The following CILP2 variants were observed in gnomAD, a reference collection of about 807,000 sequenced individuals.
The protein encoded by CILP2 is CILP-2.
Under a neutral mutation model 45.6 loss-of-function variants are expected in CILP2, and 38 were observed. That is an observed-to-expected ratio of 0.83 (90% CI 0.64 to 1.09). CILP2 has a LOEUF of 1.09. CILP2 is among the 50% of genes least tolerant of loss of function. The pLI, the probability that CILP2 is intolerant of heterozygous loss-of-function variation, is 0.00. For missense variants in CILP2, 1,735 were observed against 1,662.2 expected (o/e 1.04, Z -0.76); for synonymous variants, 780 against 723.5 (o/e 1.08, Z -1.25).
At position 19,544,990 on chromosome 19, in the gene CILP2, C is replaced by A. The variant is rs200778798; in HGVS notation, c.2445C>A (p.Gly815=). ...YTALVTATLG[G]EELEPAPSLP... ...CCCTGGTCACCGCCACCCTGGGCGG[C>A]GAGGAGCTGGAGCCGGCCCCTTCCT... The change falls in exon 8 of 8, where the codon GGC becomes GGA. Residue 815 remains glycine, a synonymous_variant. Coordinates refer to ENST00000291495, the MANE Select transcript of CILP2 (RefSeq NM_153221.2). 369 of 1,598,422 alleles carry A rather than the reference C, an allele frequency of 2.3e-4. 3 individuals carry two copies. The African/African-American group carries it at 4.6e-3, about 20-fold the overall frequency.
chr19:19,541,521 A>G (rs1397842893), intron 4 of CILP2, among the ~76,000 whole-genome samples: 1 of 152,192 alleles, frequency 6.6e-6, no homozygotes, highest in Non-Finnish European at 1.5e-5. Context: ...CCTGGGCCCA[A>G]GGAGCACTGG....
At chr19:19,539,203 T>C (rs944826062) in intron 1 of CILP2, among the ~76,000 whole-genome samples, 1 of 151,848 alleles carries the variant, frequency 6.6e-6, no homozygotes, top group Non-Finnish European at 1.5e-5. Flanking sequence ...GAGGAGAGTG[T>C]ATGGCAGCCC....
rs552547008 is a variant in CILP2, at chr19:19,543,150, G to A, written c.978-98G>A. The A allele has an allele frequency of 8.9e-6, 12 of 1,351,558 alleles. No homozygotes were observed. In the South Asian group the frequency reaches 1.4e-4, roughly 16 times the overall value. 83.7% of individuals were successfully genotyped at this position (1,351,558 alleles called of 1,614,324 possible). Reference sequence around the variant, plus strand: ...GGCCAGTCTTGCTGGGGAGGAGGCTGACTTTGGCAAAGCCTCTCTGCAGCT... The same window carrying A: ...GGCCAGTCTTGCTGGGGAGGAGGCTAACTTTGGCAAAGCCTCTCTGCAGCT... On this transcript the variant is annotated intron_variant, in intron 6 of 7. Coordinates refer to ENST00000291495, the MANE Select transcript of CILP2 (RefSeq NM_153221.2).
chr19:19,540,978 T>G, intron 3 of CILP2, 113 bp from the exon 4 acceptor site: 1 of 985,428 alleles, frequency 1.0e-6, no homozygotes, highest in Non-Finnish European at 1.3e-6. Flanking sequence ...TGTCCGCCCT[T>G]GGATGCACAT....
At position 19,544,816 on chromosome 19, in the gene CILP2, CGTG is replaced by C. The variant is rs1285859277; in HGVS notation, c.2277_2279del (p.Val760del). 26 of 1,603,778 alleles carry C rather than the reference CGTG, an allele frequency of 1.6e-5. No individual in the cohort carries two copies. The highest frequency in any genetic ancestry group is 2.2e-5 in the Non-Finnish European group (26 of 1,179,546). Reference sequence around the variant, plus strand: ...TCACCCCCAGCGAGCAGGTGGAGGGCGTGGTGGTCACGCTGGTCAATCTGGAGC... The same window carrying C: ...TCACCCCCAGCGAGCAGGTGGAGGGCGTGGTCACGCTGGTCAATCTGGAGC... On this transcript the variant is annotated inframe_deletion, in exon 8 of 8. Coordinates refer to ENST00000291495, the MANE Select transcript of CILP2 (RefSeq NM_153221.2).
rs775385887 is a variant in CILP2, at chr19:19,545,666, G to A, written c.3121G>A (p.Glu1041Lys). Residue 1041 changes from glutamate (E) to lysine (K), a missense_variant, in exon 8 of 8, where the codon GAG (glutamate) becomes AAG (lysine). Coordinates refer to ENST00000291495, the MANE Select transcript of CILP2 (RefSeq NM_153221.2). ...CCGGCACCCCCCACCGGTGCCCGCG[G>A]AGGACCCAGCTGCCTTCTCCATGCT... Reference protein sequence around the residue: ...LTRHPPPVPAEDPAAFSMLAP... With the variant: ...LTRHPPPVPAKDPAAFSMLAP... The A allele has an allele frequency of 9.3e-6, 15 of 1,610,516 alleles. 1 individual carries two copies.
Position 19,542,460 on chromosome 19 carries a change from C to T in CILP2, c.678C>T (p.Ala226=). The T allele has an allele frequency of 1.2e-6, 2 of 1,613,142 alleles. No individual in the cohort carries two copies. The highest frequency in any genetic ancestry group is 8.5e-7 in the Non-Finnish European group (1 of 1,180,012). ...CATCTGGGCAACCACTGCTAGGAGC[C>T]AGGGTCTCCCTGCGAGACCAGCCTG... ...VTPSGQPLLG[A]RVSLRDQPGT... Residue 226 remains alanine, a synonymous_variant, in exon 5 of 8, where the codon GCC becomes GCT. Transcript: ENST00000291495.
chr19:19,541,184 C>A lies in CILP2; in HGVS notation c.530C>A (p.Ala177Asp). 1 of 1,269,956 alleles carries A rather than the reference C, an allele frequency of 7.9e-7. No individual in the cohort carries two copies. The highest frequency in any genetic ancestry group is 9.9e-7 in the Non-Finnish European group (1 of 1,006,696). 78.7% of individuals were successfully genotyped at this position (1,269,956 alleles called of 1,614,324 possible). A position where few individuals can be genotyped will look rare whatever the true frequency, so the allele number is the denominator to read the frequency against. ...CGCCGCCGCCACTGCCCAAGCCCCG[C>A]TGGGGATGCGTGTCCCGGGCGTCCT... The part of the protein sequence containing the change: ...RLRRRHCPSP[A>D]GDACPGRPLE... Residue 177 changes from alanine (A) to aspartate (D), a missense_variant, in exon 4 of 8, where the codon GCT becomes GAT. By Grantham distance (126) the Ala-to-Asp change is moderately radical. Coordinates refer to ENST00000291495, the MANE Select transcript of CILP2 (RefSeq NM_153221.2).
chr19:19,544,190 C>T lies in CILP2; in HGVS notation c.1645C>T (p.His549Tyr), dbSNP rs370357982. ...TGATCCTCGAGGTGCCGGCGTGTAC[C>T]ACGAGGTCAAGGCCATGCGGAAGAA... Reference protein sequence around the residue: ...PFDPRGAGVYHEVKAMRKKAP... With the variant: ...PFDPRGAGVYYEVKAMRKKAP... The change falls in exon 8 of 8, where the codon CAC becomes TAC. Residue 549 changes from histidine (H) to tyrosine (Y), a missense_variant. Coordinates refer to ENST00000291495, the MANE Select transcript of CILP2 (RefSeq NM_153221.2). The T allele has an allele frequency of 9.9e-5, 159 of 1,613,768 alleles. 3 individuals are homozygous for T. The Middle Eastern group carries it at 2.1e-3, about 22-fold the overall frequency.
chr19:19,541,802 G>A (rs2061245466), intron 4 of CILP2, among the ~76,000 whole-genome samples: 1 of 152,218 alleles, frequency 6.6e-6, no homozygotes, highest in African/African-American at 2.4e-5. Flanking sequence ...AAGCCAGGAG[G>A]AGACTGGAAA....
At chr19:19,541,371 C>A in intron 4 of CILP2, 125 bp downstream of exon 4, 1 of 887,004 alleles carries the variant, frequency 1.1e-6, no homozygotes, top group South Asian at 5.5e-5. Context: ...CAGTGCTTCT[C>A]CTGAGCGATG....
At chr19:19,539,802 C>T in intron 2 of CILP2, 25 bp downstream of exon 2, 1 of 1,538,680 alleles carries the variant, frequency 6.5e-7, no homozygotes, top group Non-Finnish European at 8.8e-7. Context: ...CTCGGAGTCC[C>T]GTCTCTGCTG....
At chr19:19,541,007 A>G in intron 3 of CILP2, 84 bp from the exon 4 acceptor site, 4 of 1,180,248 alleles carry the variant, frequency 3.4e-6, no homozygotes, top group Non-Finnish European at 4.3e-6. Flanking sequence ...GGGTTGGGGA[A>G]GAAGGGTCCT....
chr19:19,543,804 G>A lies in CILP2; in HGVS notation c.1259G>A (p.Cys420Tyr). The change falls in exon 8 of 8, where the codon TGC becomes TAC. Residue 420 changes from cysteine (C) to tyrosine (Y), a missense_variant. Coordinates refer to ENST00000291495, the MANE Select transcript of CILP2 (RefSeq NM_153221.2). Reference sequence around the variant, plus strand: ...GTGGGCCTCTGTCCCGACACCCGCTGCCCCAGCCTGGCAGGCTCCAGCCCC... The same window carrying A: ...GTGGGCCTCTGTCCCGACACCCGCTACCCCAGCCTGGCAGGCTCCAGCCCC... ...LDVGLCPDTR[C>Y]PSLAGSSPRC... The A allele has an allele frequency of 6.2e-7, 1 of 1,613,848 alleles. No homozygotes were observed. The highest frequency in any genetic ancestry group is 8.5e-7 in the Non-Finnish European group (1 of 1,179,924).
In CILP2 at chr19:19,544,443, A is replaced by G; in HGVS notation, c.1898A>G (p.Glu633Gly). The G allele has an allele frequency of 6.2e-7, 1 of 1,609,134 alleles. No individual in the cohort carries two copies. The highest frequency in any genetic ancestry group is 1.6e-4 in the Middle Eastern group (1 of 6,062). The change falls in exon 8 of 8, where the codon GAG becomes GGG. Residue 633 changes from glutamate to glycine, a missense_variant. Coordinates refer to ENST00000291495, the MANE Select transcript of CILP2 (RefSeq NM_153221.2). Reference protein sequence around the residue: ...SDLRFVDSDGELAPLRTYGMF... With the variant: ...SDLRFVDSDGGLAPLRTYGMF... ...CTGCGCTTCGTGGACAGCGACGGCGAGCTGGCTCCACTGCGCACCTACGGC... is the reference window on the plus strand; with the variant it reads ...CTGCGCTTCGTGGACAGCGACGGCGGGCTGGCTCCACTGCGCACCTACGGC...
At chr19:19,540,047 C>T in intron 2 of CILP2, 157 bp from the exon 3 acceptor site, 2 of 1,058,734 alleles carry the variant, frequency 1.9e-6, no homozygotes, top group Non-Finnish European at 2.6e-6. Context: ...CCCAGTCTGC[C>T]CTGCACCTGT....
At chr19:19,543,659 T>A in intron 7 of CILP2, 22 bp from the exon 8 acceptor site, 1 of 1,573,694 alleles carries the variant, frequency 6.4e-7, no homozygotes, top group Non-Finnish European at 8.6e-7. Context: ...TGCCCTGACC[T>A]GCATGTTTTC....
rs1360337342 is a variant in CILP2, at chr19:19,543,695, G to T, written c.1150G>T (p.Ala384Ser). The T allele has an allele frequency of 2.5e-6, 4 of 1,594,062 alleles. No individual in the cohort carries two copies. The highest frequency in any genetic ancestry group is 2.6e-6 in the Non-Finnish European group (3 of 1,167,778). ...TTTGTCCCCAGCCCCAGGCCAGCCA[G>T]CCTGCGACCCCCGGCCCCGAGAGTA... is the stretch of plus-strand genomic sequence containing the variant. Reference protein sequence around the residue: ...RLTVLAPGQPACDPRPREYLI... With the variant: ...RLTVLAPGQPSCDPRPREYLI... Residue 384 changes from alanine to serine, a missense_variant, in exon 8 of 8, where the codon GCC becomes TCC. Transcript: ENST00000291495.
At position 19,543,294 on chromosome 19, in the gene CILP2, G is replaced by C. The variant is rs1302024384; in HGVS notation, c.1024G>C (p.Ala342Pro). The part of the protein sequence containing the change: ...LLDRRAHGYG[A>P]HLELRGLRPD... ...GGACAGGCGAGCTCATGGGTACGGGGCCCACCTGGAGCTGCGGGGACTGCG... is the reference window on the plus strand; with the variant it reads ...GGACAGGCGAGCTCATGGGTACGGGCCCCACCTGGAGCTGCGGGGACTGCG... The change falls in exon 7 of 8, where the codon GCC (alanine) becomes CCC (proline). Residue 342 changes from alanine (A) to proline (P), a missense_variant. By Grantham distance (27) the Ala-to-Pro change is conservative. Coordinates refer to ENST00000291495, the MANE Select transcript of CILP2 (RefSeq NM_153221.2). 1 of 1,613,748 alleles carries C rather than the reference G, an allele frequency of 6.2e-7. No homozygotes were observed.
Sources: allele counts gnomAD v4.1 joint callset (sites outside exome capture counted in the v4.1 genomes callset), GRCh38; gene constraint gnomAD v4.1.1; transcripts MANE v1.5; gene names NCBI Gene and HGNC (gene_info 2026-07-23, HGNC 2026-07-21).